Variants in ERC2 observed in about 807,000 individuals in gnomAD.
ERC2 encodes the protein ELKS/RAB6-interacting/CAST family member 2.
ERC2 carries 42 observed loss-of-function variants against 114.8 expected under a neutral mutation model. That is an observed-to-expected ratio of 0.37 (90% CI 0.29 to 0.47). The LOEUF (loss-of-function observed/expected upper bound fraction) is 0.47, where lower values mean the gene tolerates loss of function less well. Among genes scored for constraint, ERC2 ranks in the 20% least tolerant of loss-of-function variants. The pLI is 0.99. For missense variants in ERC2, 939 were observed against 1,150.7 expected, an observed-to-expected ratio of 0.82 and a Z score of 2.66; for synonymous variants, 454 against 425.5, an observed-to-expected ratio of 1.07 and a Z score of -0.82.
In ERC2 at chr3:55,822,456, G is replaced by A. The variant is rs183024187; in HGVS notation, c.2564+65933C>T. Among the ~76,000 whole-genome samples the A allele has an allele frequency of 2.6e-5, 4 of 152,040 alleles. 1 individual carries two copies. The highest frequency in any genetic ancestry group is 4.2e-4 in the South Asian group (2 of 4,798). On this transcript the variant is annotated intron_variant, in intron 14 of 17. Transcript: ENST00000288221. ...TTATTATGTACAGCAATGAAAGTAG[G>A]GACTCGGTGACCCACTCAGTGAGCA...
At chr3:56,004,033 T>G (rs1163394831) in intron 10 of ERC2, among the ~76,000 whole-genome samples, 2 of 152,090 alleles carry the variant, frequency 1.3e-5, no homozygotes, top group African/African-American at 4.8e-5. Flanking sequence ...TAAGAGCCTC[T>G]ATTACTTTTT....
At chr3:56,190,359 A>C (rs1052631463) in intron 3 of ERC2, among the ~76,000 whole-genome samples, 1 of 152,168 alleles carries the variant, frequency 6.6e-6, no homozygotes, top group African/African-American at 2.4e-5. Context: ...TGTGAGAATG[A>C]AGTGGTTACC....
At chr3:55,808,701 TTATATATATATATATATA>T (rs377604698) in intron 14 of ERC2, among the ~76,000 whole-genome samples, 2,243 of 61,738 alleles carry the variant, frequency 0.036, 76 homozygotes, top group Middle Eastern at 0.08. Context: ...TACCATAATT[TTATATATATATATATATA>T]TATATATATA....
intron 12 of ERC2, among the ~76,000 whole-genome samples, chr3:55,982,612 A>G (rs1168547474): frequency 6.6e-6 from 1 of 152,122 alleles, no homozygotes; most frequent in East Asian, 1.9e-4. Context: ...AAAATGTCAC[A>G]CCGCATTTCT....
intron 14 of ERC2, among the ~76,000 whole-genome samples, chr3:55,816,079 G>A (rs895654585): frequency 6.6e-6 from 1 of 152,212 alleles, no homozygotes; most frequent in Non-Finnish European, 1.5e-5. Flanking sequence ...CTCCCTTGCA[G>A]TCTTTCAGAC....
intron 2 of ERC2, among the ~76,000 whole-genome samples, chr3:56,380,747 G>A (rs1328036491): frequency 2.0e-5 from 3 of 152,088 alleles, no homozygotes; most frequent in Non-Finnish European, 2.9e-5. Flanking sequence ...TAAAAATGGA[G>A]GTAAAGTTCA....
chr3:55,858,088 T>C (rs1330554063), intron 14 of ERC2, among the ~76,000 whole-genome samples: 1 of 152,224 alleles, frequency 6.6e-6, no homozygotes, highest in Non-Finnish European at 1.5e-5. Flanking sequence ...AATATATGTA[T>C]ATACATATAC....
chr3:55,950,942 C>T (rs1046854570), intron 12 of ERC2, among the ~76,000 whole-genome samples: 2 of 152,166 alleles, frequency 1.3e-5, no homozygotes, highest in African/African-American at 2.4e-5. Context: ...AAGGAGATGA[C>T]TTTAGATGCT....
intron 2 of ERC2, among the ~76,000 whole-genome samples, chr3:56,354,270 G>A (rs547953698): frequency 1.1e-4 from 17 of 152,322 alleles, no homozygotes; most frequent in African/African-American, 3.1e-4. Flanking sequence ...GCGACCATTC[G>A]CAGAGCCTCA....
At chr3:56,374,085 G>A (rs1394827064) in intron 2 of ERC2, among the ~76,000 whole-genome samples, 2 of 149,670 alleles carry the variant, frequency 1.3e-5, no homozygotes, top group East Asian at 2.1e-4. Context: ...AGGCCATCCA[G>A]TGTTTTTGTT....
intron 6 of ERC2, among the ~76,000 whole-genome samples, chr3:56,116,750 A>G (rs1385690): frequency 0.55 from 84,138 of 151,890 alleles, 25,329 homozygotes; most frequent in East Asian, 0.69. Context: ...CTGGTTTGCC[A>G]CTGTAATGGG....
chr3:55,607,613 TG>T (rs1166018782), intron 17 of ERC2, among the ~76,000 whole-genome samples: 4 of 42,704 alleles, frequency 9.4e-5, no homozygotes, highest in Non-Finnish European at 1.9e-4. Flanking sequence ...GAAAATAGTG[TG>T]TTTTTTTTTT....
At position 56,315,125 on chromosome 3, in the gene ERC2, A is replaced by G. The variant is rs80230957; in HGVS notation, c.658-18690T>C. On this transcript the variant is annotated intron_variant, in intron 2 of 17. Transcript: ENST00000288221. ...TCCAAGCCTTTAGGAGTTGGAGCAC[A>G]TGACACATTCCAACCAAGATGAAGT... Among the ~76,000 whole-genome samples the G allele has an allele frequency of 3.9e-3, 599 of 152,352 alleles. 1 individual carries two copies. The highest frequency in any genetic ancestry group is 5.8e-3 in the Non-Finnish European group (397 of 68,036).
At chr3:56,102,098 C>A (rs964015804) in intron 6 of ERC2, among the ~76,000 whole-genome samples, 1 of 152,210 alleles carries the variant, frequency 6.6e-6, no homozygotes, top group Non-Finnish European at 1.5e-5. Context: ...CACTGGCTAA[C>A]TTTTCCCTCC....
chr3:56,356,738 A>C (rs1385394780), intron 2 of ERC2, among the ~76,000 whole-genome samples: 1 of 152,196 alleles, frequency 6.6e-6, no homozygotes, highest in Admixed American at 6.5e-5. Context: ...CAGCTAACAC[A>C]GTCTCACAAT....
chr3:56,305,045 C>A (rs1210733279), intron 2 of ERC2, among the ~76,000 whole-genome samples: 1 of 151,948 alleles, frequency 6.6e-6, no homozygotes, highest in East Asian at 1.9e-4. Context: ...AAGGAAAGTT[C>A]TATTATCATC....
chr3:56,242,728 T>G (rs1034918824), intron 3 of ERC2, among the ~76,000 whole-genome samples: 4 of 151,290 alleles, frequency 2.6e-5, no homozygotes, highest in Non-Finnish European at 4.4e-5. Flanking sequence ...AAGGAGGAAT[T>G]AAAAAAAAGA....
intron 14 of ERC2, among the ~76,000 whole-genome samples, chr3:55,777,072 T>TAC (rs1226007369): frequency 7.0e-6 from 1 of 142,548 alleles, no homozygotes; most frequent in African/African-American, 2.7e-5. Flanking sequence ...CAGTTAAAAA[T>TAC]ACATAAAAAA....
At chr3:55,874,360 A>T (rs2062726659) in intron 14 of ERC2, among the ~76,000 whole-genome samples, 1 of 151,916 alleles carries the variant, frequency 6.6e-6, no homozygotes. Context: ...GGCTCTGGCA[A>T]CTCCAGCCCC....
Sources: allele counts gnomAD v4.1 joint callset (sites outside exome capture counted in the v4.1 genomes callset), GRCh38; gene constraint gnomAD v4.1.1; transcripts MANE v1.5; gene names NCBI Gene and HGNC (gene_info 2026-07-23, HGNC 2026-07-21).